The following POLD3 variants were observed in gnomAD, a reference collection of about 807,000 sequenced individuals.
POLD3 encodes DNA polymerase delta 3, accessory subunit.
Under a neutral mutation model 58.2 loss-of-function variants are expected in POLD3, and 19 were observed. That is an observed-to-expected ratio of 0.33 (90% CI 0.23 to 0.48). The LOEUF (loss-of-function observed/expected upper bound fraction) is 0.48. Among genes scored for constraint, POLD3 ranks in the 20% least tolerant of loss-of-function variants. The pLI, the probability that POLD3 is intolerant of heterozygous loss-of-function variation, is 0.99. For synonymous variants in POLD3, 172 were observed against 193.5 expected (o/e 0.89, Z 0.92); for missense variants, 504 against 545.5 (o/e 0.92, Z 0.76).
At chr11:74,605,011 TGCAATAA>T (rs1265502840) in intron 3 of POLD3, among the ~76,000 whole-genome samples, 1 of 152,248 alleles carries the variant, frequency 6.6e-6, no homozygotes, top group Non-Finnish European at 1.5e-5. Context: ...ATCATTATTA[TGCAATAA>T]GATGTTAGGA....
intron 6 of POLD3, 101 bp from the exon 7 acceptor site, chr11:74,619,916 A>G (rs908905460): frequency 3.5e-6 from 3 of 859,220 alleles, no homozygotes; most frequent in Admixed American, 3.5e-5. Context: ...TAGAGACTAT[A>G]CCATCGCAAC....
chr11:74,593,253 G>A (rs1358558450), intron 1 of POLD3, among the ~76,000 whole-genome samples: 1 of 152,194 alleles, frequency 6.6e-6, no homozygotes, highest in Non-Finnish European at 1.5e-5. Flanking sequence ...TGCCTGCTGT[G>A]TGCCAAGGCA....
At chr11:74,612,701 T>G (rs748239948) in intron 4 of POLD3, among the ~76,000 whole-genome samples, 177 bp from the exon 5 acceptor site, 2 of 152,246 alleles carry the variant, frequency 1.3e-5, no homozygotes, top group Non-Finnish European at 2.9e-5. Flanking sequence ...CTTGTCATAA[T>G]GTCCCCATTG....
intron 3 of POLD3, among the ~76,000 whole-genome samples, chr11:74,608,088 G>A (rs2031759452): frequency 1.3e-5 from 2 of 152,096 alleles, no homozygotes; most frequent in South Asian, 2.1e-4. Flanking sequence ...CCTGATCTAT[G>A]CTTTATGGGT....
intron 1 of POLD3, chr11:74,593,121 A>G: frequency 1.3e-6 from 1 of 749,586 alleles, no homozygotes; most frequent in Non-Finnish European, 1.7e-6. Context: ...TAACCTCCAG[A>G]TACTGTTTCC....
Position 74,604,718 on chromosome 11 carries a change from A to C in POLD3, c.143A>C (p.Lys48Thr), listed in dbSNP as rs928439195. The change falls in exon 3 of 12, where the codon AAA (lysine) becomes ACA (threonine). Residue 48 changes from lysine (K) to threonine (T), a missense_variant. This residue lies in a region of POLD3 where 119 missense variants were observed against 175.0 expected (regional missense o/e 0.68). Coordinates refer to ENST00000263681, the MANE Select transcript of POLD3 (RefSeq NM_006591.3). ...KQMLYDYVER[K>T]RKENSGAQLH... ...ATGCTGTATGATTATGTTGAAAGGA[A>C]ACGAAAAGAAAATTCAGGAGCCCAA... 6.2e-7 allele frequency: 1 copy of C among 1,607,896 alleles called. No individual in the cohort carries two copies. The highest frequency in any genetic ancestry group is 1.3e-5 in the African/African-American group (1 of 74,816).
intron 2 of POLD3, among the ~76,000 whole-genome samples, chr11:74,596,216 C>T (rs1236539040): frequency 1.4e-5 from 2 of 147,652 alleles, no homozygotes; most frequent in East Asian, 3.9e-4. Flanking sequence ...AGAAGCCTTG[C>T]TCTGTCGCCC....
chr11:74,650,850 C>A (rs1420498061), intron 4 of POLD3, among the ~76,000 whole-genome samples: 1 of 152,208 alleles, frequency 6.6e-6, no homozygotes, highest in African/African-American at 2.4e-5. Context: ...GCTGCCGCTT[C>A]TGATGATGTT....
intron 4 of POLD3, among the ~76,000 whole-genome samples, chr11:74,665,976 A>G (rs1004249198): frequency 1.3e-5 from 2 of 152,204 alleles, no homozygotes; most frequent in Admixed American, 6.5e-5. Context: ...CTGTATTCAG[A>G]TGACATGATC....
chr11:74,612,846 A>G (rs746971539), intron 4 of POLD3, 32 bp from the exon 5 acceptor site: 1 of 1,594,306 alleles, frequency 6.3e-7, no homozygotes, highest in Non-Finnish European at 8.5e-7. Flanking sequence ...AAGTTTGTGT[A>G]TTAACTGACT....
intron 4 of POLD3, among the ~76,000 whole-genome samples, chr11:74,612,181 A>G (rs2031936798): frequency 6.6e-6 from 1 of 152,176 alleles, no homozygotes; most frequent in Non-Finnish European, 1.5e-5. Flanking sequence ...GTTCCTGTCC[A>G]TGGGGGTAGG....
intron 11 of POLD3, among the ~76,000 whole-genome samples, chr11:74,638,844 C>G (rs1390142223): frequency 6.6e-6 from 1 of 152,206 alleles, no homozygotes; most frequent in East Asian, 1.9e-4. Flanking sequence ...TCTGTTGCCT[C>G]TGGTGTGCGG....
At chr11:74,615,449 C>T (rs1467574445) in intron 5 of POLD3, among the ~76,000 whole-genome samples, 1 of 152,120 alleles carries the variant, frequency 6.6e-6, no homozygotes. Context: ...TGAAAATTGT[C>T]CATGACATTT....
Position 74,617,526 on chromosome 11 carries a change from T to C in POLD3, c.393-1011T>C, listed in dbSNP as rs575510997. On this transcript the variant is annotated intron_variant, in intron 5 of 11. Transcript: ENST00000263681. ...AAGCAATTCTCTTGCCTCAGCCTCCTGAGTAGCTGGGACTACAGGCGCGTG... is the reference window on the plus strand; with the variant it reads ...AAGCAATTCTCTTGCCTCAGCCTCCCGAGTAGCTGGGACTACAGGCGCGTG... Among the ~76,000 whole-genome samples, 12 of 152,242 alleles carry C rather than the reference T, an allele frequency of 7.9e-5. No individual in the cohort carries two copies. In the South Asian group the frequency reaches 2.5e-3, roughly 32 times the overall value.
Position 74,630,898 on chromosome 11 carries a change from AAAT to A in POLD3, c.1006+1580_1006+1582del, listed in dbSNP as rs1392115499. Among the ~76,000 whole-genome samples the A allele has an allele frequency of 2.2e-4, 34 of 152,340 alleles. 1 individual carries two copies. In the East Asian group the frequency reaches 5.8e-3, roughly 26 times the overall value. On this transcript the variant is annotated intron_variant, in intron 9 of 11. Transcript: ENST00000263681. ...TATAGTTCTGATCTGTAGCCTACAAAAATAATACTGTTGGGTGATTAGAAATGT... is the reference window on the plus strand; with the variant it reads ...TATAGTTCTGATCTGTAGCCTACAAAAATACTGTTGGGTGATTAGAAATGT...
At chr11:74,611,688 T>C in intron 4 of POLD3, 150 bp downstream of exon 4, 1 of 601,658 alleles carries the variant, frequency 1.7e-6, no homozygotes, top group Non-Finnish European at 2.9e-6. Context: ...TTAAAGCATG[T>C]TAAAATATGA....
chr11:74,623,013 T>C lies in POLD3; in HGVS notation c.734-2395T>C, dbSNP rs193180091. 5.3e-5 allele frequency among the ~76,000 whole-genome samples: 8 copies of C among 152,294 alleles called. No individual in the cohort carries two copies. In the South Asian group the frequency reaches 1.7e-3, roughly 32 times the overall value. On this transcript the variant is annotated intron_variant, in intron 7 of 11. Coordinates refer to ENST00000263681, the MANE Select transcript of POLD3 (RefSeq NM_006591.3). ...AATGTTATTCAGCTATAAAAAGTAATGAAGTACAGATGGATATGTGATATG... is the reference window on the plus strand; with the variant it reads ...AATGTTATTCAGCTATAAAAAGTAACGAAGTACAGATGGATATGTGATATG...
intron 4 of POLD3, among the ~76,000 whole-genome samples, chr11:74,649,959 G>A (rs2033048181): frequency 6.6e-6 from 1 of 152,170 alleles, no homozygotes; most frequent in African/African-American, 2.4e-5. Context: ...TTAGAGTCAG[G>A]CAAACTGGAG....
chr11:74,618,188 T>C (rs1216002392), intron 5 of POLD3, among the ~76,000 whole-genome samples: 1 of 151,858 alleles, frequency 6.6e-6, no homozygotes, highest in Non-Finnish European at 1.5e-5. Flanking sequence ...TCTTTTATTA[T>C]TGTTGGTTGC....
Sources: allele counts gnomAD v4.1 joint callset (sites outside exome capture counted in the v4.1 genomes callset), GRCh38; gene constraint gnomAD v4.1.1; regional missense constraint gnomAD v4.1.1; transcripts MANE v1.5; gene names NCBI Gene and HGNC (gene_info 2026-07-23, HGNC 2026-07-21).